The following PIP5K1B variants were observed in gnomAD, a reference collection of about 807,000 sequenced individuals.
The protein encoded by PIP5K1B is phosphatidylinositol-4-phosphate 5-kinase type 1 beta.
PIP5K1B carries 42 observed loss-of-function variants against 67.0 expected under a neutral mutation model. The ratio of observed to expected loss-of-function variants is 0.63; its 90% confidence interval spans 0.49 to 0.81. The LOEUF (loss-of-function observed/expected upper bound fraction) is 0.81, where lower values mean the gene tolerates loss of function less well. Among genes scored for constraint, PIP5K1B ranks in the 30% least tolerant of loss-of-function variants. PIP5K1B has a pLI of 0.00. For missense variants in PIP5K1B, 459 were observed against 646.3 expected, an observed-to-expected ratio of 0.71 and a Z score of 3.14; for synonymous variants, 214 against 231.4, an observed-to-expected ratio of 0.92 and a Z score of 0.68.
intron 4 of PIP5K1B, among the ~76,000 whole-genome samples, chr9:68,828,207 T>C (rs892353384): frequency 6.6e-6 from 1 of 152,204 alleles, no homozygotes; most frequent in Non-Finnish European, 1.5e-5. Context: ...CACCCCTTCC[T>C]CTTCTGTTTC....
rs1831766995 is a variant in PIP5K1B, at chr9:68,788,529, G to C, written c.-85-29932G>C. 4 of 304,414 alleles carry C rather than the reference G, an allele frequency of 1.3e-5. No homozygotes were observed. The East Asian group carries it at 4.1e-4, about 31-fold the overall frequency. 18.9% of individuals were successfully genotyped at this position (304,414 alleles called of 1,614,324 possible). A position where few individuals can be genotyped will look rare whatever the true frequency, so the allele number is the denominator to read the frequency against. Reference sequence around the variant, plus strand: ...TTAGTAATAGGTAAAAAATTAAAGAGTATAGAAGGAAATAGTGGTTCCACA... The same window carrying C: ...TTAGTAATAGGTAAAAAATTAAAGACTATAGAAGGAAATAGTGGTTCCACA... On this transcript the variant is annotated intron_variant, in intron 2 of 15. Transcript: ENST00000265382.
At chr9:68,818,991 C>G (rs933965825) in intron 3 of PIP5K1B, among the ~76,000 whole-genome samples, 2 of 152,072 alleles carry the variant, frequency 1.3e-5, no homozygotes, top group Non-Finnish European at 2.9e-5. Flanking sequence ...ATTATAACTT[C>G]AAAAAAAATT....
intron 2 of PIP5K1B, among the ~76,000 whole-genome samples, chr9:68,755,010 A>G (rs1323549006): frequency 6.6e-6 from 1 of 152,254 alleles, no homozygotes; most frequent in Non-Finnish European, 1.5e-5. Context: ...TTGATCAATA[A>G]ATAAATACAT....
chr9:69,004,643 C>A (rs1830991808), intron 15 of PIP5K1B, among the ~76,000 whole-genome samples: 1 of 152,134 alleles, frequency 6.6e-6, no homozygotes, highest in Non-Finnish European at 1.5e-5. Context: ...CCTGAAGAGT[C>A]CATCTGCGTG....
rs753454693 is a variant in PIP5K1B at position 68,935,094 on chromosome 9, T to TTATACAATTTA, written c.1357+56_1357+57insTTTATATACAA. 1.1e-5 allele frequency: 17 copies of TTATACAATTTA among 1,499,406 alleles called. No homozygotes were observed. In the East Asian group the frequency reaches 3.9e-4, roughly 34 times the overall value. 92.9% of individuals were successfully genotyped at this position (1,499,406 alleles called of 1,614,324 possible). On this transcript the variant is annotated intron_variant, in intron 13 of 15. Transcript: ENST00000265382. Reference sequence around the variant, plus strand: ...AAAGACAAACGTTCTTGTGATTTATTTATACAAGTAAATTTGCAGAAGAAA... The same window carrying TTATACAATTTA: ...AAAGACAAACGTTCTTGTGATTTATTTATACAATTTATATACAAGTAAATTTGCAGAAGAAA...
chr9:68,898,723 T>G (rs1308047570), intron 8 of PIP5K1B, among the ~76,000 whole-genome samples: 1 of 152,134 alleles, frequency 6.6e-6, no homozygotes, highest in Non-Finnish European at 1.5e-5. Context: ...TCTCCCTCTT[T>G]CCCTGCATGC....
intron 2 of PIP5K1B, among the ~76,000 whole-genome samples, chr9:68,791,684 G>A (rs1831979338): frequency 6.6e-6 from 1 of 152,124 alleles, no homozygotes; most frequent in Non-Finnish European, 1.5e-5. Flanking sequence ...TTCTAACTCT[G>A]AATTTAAATT....
intron 2 of PIP5K1B, among the ~76,000 whole-genome samples, chr9:68,779,186 G>A (rs997555565): frequency 1.3e-5 from 2 of 151,598 alleles, no homozygotes; most frequent in Non-Finnish European, 2.9e-5. Context: ...CTTTTAATGA[G>A]ATATCAAGGT....
chr9:68,902,147 G>A (rs72720061), intron 8 of PIP5K1B, among the ~76,000 whole-genome samples: 14,023 of 152,154 alleles, frequency 0.092, 838 homozygotes, highest in Non-Finnish European at 0.14. Flanking sequence ...TGTGTGGTGG[G>A]GGAGGTTCTG....
At chr9:68,824,152 T>G (rs1254442244) in intron 4 of PIP5K1B, 1 of 518,928 alleles carries the variant, frequency 1.9e-6, no homozygotes, top group African/African-American at 1.9e-5. Context: ...GTACATTCAT[T>G]CAAGCATGGA....
intron 2 of PIP5K1B, among the ~76,000 whole-genome samples, chr9:68,817,000 C>T (rs1422706213): frequency 6.6e-6 from 1 of 152,192 alleles, no homozygotes; most frequent in Non-Finnish European, 1.5e-5. Flanking sequence ...AAGAATAATA[C>T]TTGCAACCTC....
At chr9:68,991,892 A>G (rs1180527823) in intron 15 of PIP5K1B, among the ~76,000 whole-genome samples, 2 of 152,188 alleles carry the variant, frequency 1.3e-5, no homozygotes, top group South Asian at 2.1e-4. Context: ...CTGATGGGCT[A>G]CACTGTAAAA....
At chr9:68,854,067 C>T (rs1249273477) in intron 4 of PIP5K1B, among the ~76,000 whole-genome samples, 1 of 149,396 alleles carries the variant, frequency 6.7e-6, no homozygotes, top group South Asian at 2.1e-4. Context: ...CTGGACTGTA[C>T]ATACCAGATG....
chr9:68,984,564 A>T (rs1344900442), intron 14 of PIP5K1B, among the ~76,000 whole-genome samples: 1 of 152,240 alleles, frequency 6.6e-6, no homozygotes, highest in Non-Finnish European at 1.5e-5. Flanking sequence ...AGGGCTGTAT[A>T]TTCTCCCAAA....
chr9:68,759,390 A>C (rs1830085263), intron 2 of PIP5K1B, among the ~76,000 whole-genome samples: 3 of 152,132 alleles, frequency 2.0e-5, no homozygotes, highest in Non-Finnish European at 4.4e-5. Context: ...TAGACTGTTA[A>C]AAATTGAGTA....
intron 4 of PIP5K1B, among the ~76,000 whole-genome samples, chr9:68,842,401 A>G (rs114808311): frequency 1.5e-3 from 228 of 152,360 alleles, no homozygotes; most frequent in African/African-American, 5.0e-3. Context: ...ATATCACTTC[A>G]AGTGTTTTGC....
At chr9:68,984,040 G>A (rs1830003480) in intron 14 of PIP5K1B, among the ~76,000 whole-genome samples, 1 of 152,188 alleles carries the variant, frequency 6.6e-6, no homozygotes, top group Non-Finnish European at 1.5e-5. Context: ...GGATGACAGA[G>A]CAATACCCTG....
intron 14 of PIP5K1B, among the ~76,000 whole-genome samples, chr9:68,968,322 C>A (rs1308819258): frequency 6.6e-6 from 1 of 152,120 alleles, no homozygotes; most frequent in Non-Finnish European, 1.5e-5. Flanking sequence ...GAGTTCGAGA[C>A]CAACCTTGCC....
At chr9:68,875,314 A>AAAAC (rs1823831356) in intron 5 of PIP5K1B, among the ~76,000 whole-genome samples, 1 of 150,894 alleles carries the variant, frequency 6.6e-6, no homozygotes, top group Non-Finnish European at 1.5e-5. Context: ...AAAAAAAAAA[A>AAAAC]AAAAAAAAAA....
Sources: gnomAD v4.1 joint callset for allele counts (sites outside exome capture counted in the v4.1 genomes callset) on GRCh38, gnomAD v4.1.1 for gene constraint, MANE v1.5 for transcripts, NCBI Gene and HGNC (gene_info 2026-07-23, HGNC 2026-07-21) for gene names.